ITPK1: variants seen among roughly 807,000 people sequenced by gnomAD.
ITPK1 encodes the protein inositol-tetrakisphosphate 1-kinase.
A neutral mutation model predicts 45.3 loss-of-function variants in ITPK1; 21 were observed. The ratio of observed to expected loss-of-function variants is 0.46; its 90% CI spans 0.33 to 0.67. The LOEUF is 0.67. Ranked by LOEUF, ITPK1 falls within the 30% of genes least tolerant of loss-of-function variation. The probability of loss-of-function intolerance (pLI) is 0.02; values close to 1 mark genes in which losing one functional copy is unlikely to be tolerated. For missense variants in ITPK1, 474 were observed against 573.5 expected (o/e 0.83, Z 1.77); for synonymous variants, 258 against 253.6 (o/e 1.02, Z -0.16).
intron 2 of ITPK1, among the ~76,000 whole-genome samples, chr14:93,085,904 G>A (rs1352839304): frequency 1.3e-5 from 2 of 152,052 alleles, no homozygotes; most frequent in South Asian, 2.1e-4. Flanking sequence ...GGGAAGCAGG[G>A]GAGTTGGCTG....
chr14:93,095,119 G>A (rs1280185303), intron 2 of ITPK1, among the ~76,000 whole-genome samples: 2 of 152,104 alleles, frequency 1.3e-5, no homozygotes, highest in East Asian at 1.9e-4. Context: ...GGCTCCCGGG[G>A]TGCAGGAGGA....
chr14:92,947,329 C>A (rs1289760023), intron 9 of ITPK1, among the ~76,000 whole-genome samples: 1 of 152,238 alleles, frequency 6.6e-6, no homozygotes, highest in Non-Finnish European at 1.5e-5. Context: ...CTGCTCTGTT[C>A]TCCCTCCCAG....
intron 5 of ITPK1, among the ~76,000 whole-genome samples, chr14:92,976,140 C>T (rs904988711): frequency 6.6e-6 from 1 of 152,212 alleles, no homozygotes; most frequent in African/African-American, 2.4e-5. Flanking sequence ...GTCCTTATAG[C>T]AGTGTGAGAA....
intron 5 of ITPK1, among the ~76,000 whole-genome samples, chr14:92,965,098 C>T: frequency 6.6e-6 from 1 of 152,196 alleles, no homozygotes; most frequent in East Asian, 1.9e-4. Context: ...TCCCAGGCCC[C>T]TGCTGTTGAC....
At chr14:93,079,540 T>C (rs1268094015) in intron 2 of ITPK1, among the ~76,000 whole-genome samples, 11 of 152,166 alleles carry the variant, frequency 7.2e-5, no homozygotes, top group Non-Finnish European at 1.5e-4. Flanking sequence ...CTGGAAGGCC[T>C]GGTCTCCAGC....
At chr14:92,982,182 C>T (rs1225580565) in intron 5 of ITPK1, among the ~76,000 whole-genome samples, 1 of 152,214 alleles carries the variant, frequency 6.6e-6, no homozygotes, top group African/African-American at 2.4e-5. Context: ...CTCAGTGTGG[C>T]AGGCAGAATC....
intron 5 of ITPK1, among the ~76,000 whole-genome samples, chr14:92,973,203 G>A (rs1199921842): frequency 6.6e-6 from 1 of 152,238 alleles, no homozygotes; most frequent in Admixed American, 6.5e-5. Context: ...TATGGGTTCT[G>A]ATTCAGTAAC....
intron 4 of ITPK1, among the ~76,000 whole-genome samples, chr14:93,008,613 G>A (rs369203190): frequency 1.1e-4 from 16 of 152,348 alleles, no homozygotes; most frequent in Admixed American, 5.2e-4. Context: ...GAGGGCCGAG[G>A]TCAGCAGAGG....
At chr14:92,947,840 T>C (rs1262400788) in intron 9 of ITPK1, among the ~76,000 whole-genome samples, 1 of 152,104 alleles carries the variant, frequency 6.6e-6, no homozygotes, top group Non-Finnish European at 1.5e-5. Context: ...GGAATAACCA[T>C]CTGACCTGGC....
At chr14:92,951,746 T>C (rs1013787156) in intron 9 of ITPK1, among the ~76,000 whole-genome samples, 200 bp downstream of exon 9, 1 of 151,950 alleles carries the variant, frequency 6.6e-6, no homozygotes, top group African/African-American at 2.4e-5. Context: ...CGGGCTGCAA[T>C]GGCTGCTAGC....
At chr14:93,051,558 G>GT (rs11442407) in intron 3 of ITPK1, among the ~76,000 whole-genome samples, 58,285 of 151,288 alleles carry the variant, frequency 0.39, 11,486 homozygotes, top group Admixed American at 0.46. Flanking sequence ...GGAGATTGCA[G>GT]TGAGTCCAGA....
At chr14:92,994,611 A>G (rs993695811) in intron 4 of ITPK1, among the ~76,000 whole-genome samples, 2 of 152,146 alleles carry the variant, frequency 1.3e-5, no homozygotes, top group African/African-American at 2.4e-5. Flanking sequence ...TGCTGTCCAG[A>G]ACAGAACTCA....
intron 3 of ITPK1, among the ~76,000 whole-genome samples, chr14:93,027,235 T>G (rs1384558357): frequency 6.6e-6 from 1 of 152,172 alleles, no homozygotes; most frequent in Non-Finnish European, 1.5e-5. Flanking sequence ...CCCAGAAATT[T>G]AAAACCAGTG....
chr14:92,948,441 A>G (rs1887786920), intron 9 of ITPK1, among the ~76,000 whole-genome samples: 1 of 152,040 alleles, frequency 6.6e-6, no homozygotes, highest in Admixed American at 6.5e-5. Flanking sequence ...GCAGCCTTGA[A>G]CTCCTGGGCC....
rs928731206 is a variant in ITPK1, at chr14:93,012,052, G to A, written c.246+4624C>T. 7.2e-5 allele frequency among the ~76,000 whole-genome samples: 11 copies of A among 151,968 alleles called. 1 individual carries two copies. Among genetic ancestry groups the A allele is most frequent in the Non-Finnish European group, 1.0e-4 (7 of 67,976 alleles). On this transcript the variant is annotated intron_variant, in intron 4 of 10. Coordinates refer to ENST00000267615, the MANE Select transcript of ITPK1 (RefSeq NM_014216.6). The surrounding 1 kb of genome is among the most constrained non-coding windows in gnomAD (Gnocchi z 4.9). ...AACGCTCCTGGCCTCCTCCCTCCCC[G>A]CTCCAAGCAGCCCAGCAGAGCCACG...
chr14:93,017,620 C>T (rs1437439723), intron 3 of ITPK1, among the ~76,000 whole-genome samples: 1 of 152,236 alleles, frequency 6.6e-6, no homozygotes, highest in East Asian at 1.9e-4. Context: ...CACGCGGCCA[C>T]CACCACCTGC....
intron 2 of ITPK1, among the ~76,000 whole-genome samples, chr14:93,079,746 A>C (rs1361660672): frequency 3.9e-5 from 6 of 152,196 alleles, no homozygotes; most frequent in African/African-American, 1.4e-4. Flanking sequence ...CAAGTTCCTA[A>C]AGTCCTGCCA....
intron 5 of ITPK1, among the ~76,000 whole-genome samples, chr14:92,969,130 C>T (rs1310605490): frequency 2.0e-5 from 3 of 152,116 alleles, no homozygotes; most frequent in South Asian, 2.1e-4. Context: ...GTTCCAATAA[C>T]CATTCACCAA....
chr14:93,084,352 C>T (rs1397337562), intron 2 of ITPK1, among the ~76,000 whole-genome samples: 7 of 152,180 alleles, frequency 4.6e-5, no homozygotes, highest in East Asian at 3.8e-4. Context: ...ATTGTCACAC[C>T]GAGGAAAGTG....
Sources: allele counts gnomAD v4.1 joint callset (sites outside exome capture counted in the v4.1 genomes callset), GRCh38; gene constraint gnomAD v4.1.1; non-coding constraint Gnocchi (gnomAD v3.1); transcripts MANE v1.5; gene names NCBI Gene and HGNC (gene_info 2026-07-23, HGNC 2026-07-21).